MAN2A1: variants seen among roughly 807,000 people sequenced by gnomAD.
MAN2A1 encodes the protein mannosidase alpha class 2A member 1, also known as alpha-mannosidase 2.
Under a neutral mutation model 142.6 loss-of-function variants are expected in MAN2A1, and 76 were observed. That is an observed-to-expected ratio of 0.53 (90% CI 0.44 to 0.65). The LOEUF (loss-of-function observed/expected upper bound fraction) is 0.65. Among genes scored for constraint, MAN2A1 ranks in the 30% least tolerant of loss-of-function variants. MAN2A1 has a pLI of 0.00. For synonymous variants in MAN2A1, 559 were observed against 473.2 expected (o/e 1.18, Z -2.35); for missense variants, 1,311 against 1,365.1 (o/e 0.96, Z 0.62).
Position 109,713,662 on chromosome 5 carries a change from A to G in MAN2A1, c.278A>G (p.Asn93Ser), listed in dbSNP as rs199564538. ...GATGGTCCGAAAAGTTCACAAAGCA[A>G]TTTCAGCCAAGGTGCTGGCTCACAT... ...VEDGPKSSQS[N>S]FSQGAGSHLL... Residue 93 changes from asparagine (N) to serine (S), a missense_variant, in exon 2 of 22, where the codon AAT becomes AGT. By Grantham distance (46) the Asn-to-Ser change is conservative. Around this residue, in one of 3 missense-constraint regions of MAN2A1, gnomAD observed 409 missense variants for 412.7 expected, o/e 0.99. Transcript: ENST00000261483. The G allele has an allele frequency of 1.9e-5, 30 of 1,614,196 alleles. No homozygotes were observed. The highest frequency in any genetic ancestry group is 1.8e-4 in the East Asian group (8 of 44,886).
intron 16 of MAN2A1, among the ~76,000 whole-genome samples, chr5:109,827,917 A>C (rs1482395263): frequency 6.6e-6 from 1 of 152,026 alleles, no homozygotes; most frequent in East Asian, 1.9e-4. Flanking sequence ...CTGGCTAACA[A>C]GGTGAAAGAA....
chr5:109,746,099 C>T (rs532411203), intron 4 of MAN2A1, among the ~76,000 whole-genome samples: 8 of 152,130 alleles, frequency 5.3e-5, no homozygotes, highest in Non-Finnish European at 8.8e-5. Flanking sequence ...CTCAGCCTCC[C>T]GAGTAGCTGG....
intron 13 of MAN2A1, among the ~76,000 whole-genome samples, chr5:109,818,690 T>A (rs2112723223): frequency 6.6e-6 from 1 of 152,316 alleles, no homozygotes; most frequent in Middle Eastern, 3.4e-3. Context: ...TGTAAAGCCC[T>A]TACATTCATG....
intron 4 of MAN2A1, 44 bp from the exon 5 acceptor site, chr5:109,755,285 T>C (rs1479972125): frequency 1.3e-5 from 19 of 1,493,092 alleles, no homozygotes; most frequent in Non-Finnish European, 1.8e-5. Flanking sequence ...ATTTGAACTT[T>C]TCTTAACATT....
chr5:109,692,336 G>A (rs146624786), intron 1 of MAN2A1, among the ~76,000 whole-genome samples: 1 of 152,198 alleles, frequency 6.6e-6, no homozygotes, highest in African/African-American at 2.4e-5. Flanking sequence ...ACTGGGAGGT[G>A]GAACATTTTG....
intron 10 of MAN2A1, among the ~76,000 whole-genome samples, chr5:109,785,136 C>A (rs1753563604): frequency 6.6e-6 from 1 of 152,068 alleles, no homozygotes; most frequent in Non-Finnish European, 1.5e-5. Flanking sequence ...TATTGCAATG[C>A]ATTTCTGCAA....
rs548518828 is a variant in MAN2A1, at chr5:109,840,408, C to T, written c.2567-1920C>T. On this transcript the variant is annotated intron_variant, in intron 16 of 21. Transcript: ENST00000261483. ...GAGAAATTGCTGGTAATGATTCCTCCTACAGGTGCATTTCTACCAGGTTTC... is the reference window on the plus strand; with the variant it reads ...GAGAAATTGCTGGTAATGATTCCTCTTACAGGTGCATTTCTACCAGGTTTC... 7.0e-6 allele frequency: 3 copies of T among 428,276 alleles called. No homozygotes were observed. The East Asian group carries it at 2.1e-4, about 30-fold the overall frequency. The allele number at this position is 428,276 out of a possible 1,614,324, so 26.5% of individuals were successfully genotyped here.
At chr5:109,707,480 G>C (rs1002992021) in intron 1 of MAN2A1, among the ~76,000 whole-genome samples, 1 of 152,080 alleles carries the variant, frequency 6.6e-6, no homozygotes, top group African/African-American at 2.4e-5. Context: ...AACAGCTATG[G>C]TGCCTGTTGT....
chr5:109,848,151 C>G (rs1378038966), intron 19 of MAN2A1, among the ~76,000 whole-genome samples: 1 of 152,046 alleles, frequency 6.6e-6, no homozygotes, highest in Non-Finnish European at 1.5e-5. Flanking sequence ...ATTTGGTAAA[C>G]TTTATTTGAA....
chr5:109,730,223 T>A (rs1247248820), intron 4 of MAN2A1, among the ~76,000 whole-genome samples: 2 of 152,196 alleles, frequency 1.3e-5, no homozygotes, highest in Non-Finnish European at 2.9e-5. Flanking sequence ...AGTTTAATTT[T>A]AATTTTAATT....
At chr5:109,860,494 G>A (rs1755728045) in intron 20 of MAN2A1, among the ~76,000 whole-genome samples, 1 of 152,190 alleles carries the variant, frequency 6.6e-6, no homozygotes. Context: ...CTTAATCTAT[G>A]TGCACCTTAC....
rs1755934672 is a variant in MAN2A1, at chr5:109,868,419, A to G, written c.*1421A>G. 1 of 152,254 alleles carries G rather than the reference A, an allele frequency of 6.6e-6. No homozygotes were observed. The highest frequency in any genetic ancestry group is 1.5e-5 in the Non-Finnish European group (1 of 68,034). The allele number at this position is 152,254 out of a possible 1,614,324, so 9.4% of individuals were successfully genotyped here. On this transcript the variant is annotated 3_prime_UTR_variant, in exon 22 of 22. Transcript: ENST00000261483. ...CATTTAGACTATGCAATTTTAGCATAGAAAGGAGTCTTTGAGTATGTACAG... is the reference window on the plus strand; with the variant it reads ...CATTTAGACTATGCAATTTTAGCATGGAAAGGAGTCTTTGAGTATGTACAG...
chr5:109,758,278 G>C (rs1487578375), intron 5 of MAN2A1, among the ~76,000 whole-genome samples: 1 of 151,970 alleles, frequency 6.6e-6, no homozygotes, highest in East Asian at 1.9e-4. Context: ...AAGACTAGTG[G>C]TACTAAGAAT....
At position 109,868,398 on chromosome 5, in the gene MAN2A1, T is replaced by G. The variant is rs1031394780; in HGVS notation, c.*1400T>G. The G allele has an allele frequency of 6.6e-6, 1 of 152,232 alleles. No individual in the cohort carries two copies. The highest frequency in any genetic ancestry group is 1.5e-5 in the Non-Finnish European group (1 of 68,036). 9.4% of individuals were successfully genotyped at this position (152,232 alleles called of 1,614,324 possible). On this transcript the variant is annotated 3_prime_UTR_variant, in exon 22 of 22. Transcript: ENST00000261483. ...TTAACATTAAAATAATAGCGACATTTAGACTATGCAATTTTAGCATAGAAA... is the reference window on the plus strand; with the variant it reads ...TTAACATTAAAATAATAGCGACATTGAGACTATGCAATTTTAGCATAGAAA...
At chr5:109,865,639 G>A (rs138905487) in intron 21 of MAN2A1, among the ~76,000 whole-genome samples, 461 of 152,316 alleles carry the variant, frequency 3.0e-3, no homozygotes, top group Middle Eastern at 0.024. Flanking sequence ...TGTACGTAGC[G>A]CCAATCAGTT....
chr5:109,724,797 C>G (rs937962882), intron 3 of MAN2A1, among the ~76,000 whole-genome samples: 2 of 152,018 alleles, frequency 1.3e-5, no homozygotes, highest in Non-Finnish European at 2.9e-5. Context: ...CATCTTAGGG[C>G]TCACAGATCC....
chr5:109,758,117 G>A (rs184024914), intron 5 of MAN2A1, among the ~76,000 whole-genome samples: 13 of 152,136 alleles, frequency 8.5e-5, no homozygotes, highest in South Asian at 2.1e-4. Context: ...CCAAAAGAGC[G>A]GTATCGTTCT....
chr5:109,706,373 A>G (rs1751132221), intron 1 of MAN2A1, among the ~76,000 whole-genome samples: 3 of 152,226 alleles, frequency 2.0e-5, no homozygotes, highest in African/African-American at 7.2e-5. Flanking sequence ...ACTATGTAGC[A>G]GCAGCTGCAA....
chr5:109,697,176 T>G lies in MAN2A1; in HGVS notation c.135+6624T>G, dbSNP rs57723275. 9.6e-3 allele frequency among the ~76,000 whole-genome samples: 1,470 copies of G among 152,354 alleles called. 26 individuals carry two copies. Among genetic ancestry groups the G allele is most frequent in the African/African-American group, 0.029 (1,220 of 41,578 alleles). On this transcript the variant is annotated intron_variant, in intron 1 of 21. Transcript: ENST00000261483. ...TTAATAAGGTAGTATAAAAATTGTCTGCAAAAATGTTTTGAAATGTCTGCA... is the reference window on the plus strand; with the variant it reads ...TTAATAAGGTAGTATAAAAATTGTCGGCAAAAATGTTTTGAAATGTCTGCA...
Sources: gnomAD v4.1 joint callset for allele counts (sites outside exome capture counted in the v4.1 genomes callset) on GRCh38, gnomAD v4.1.1 for gene constraint, gnomAD v4.1.1 regional missense constraint, MANE v1.5 for transcripts, NCBI Gene and HGNC (gene_info 2026-07-23, HGNC 2026-07-21) for gene names.